Variants in SYNJ2BP observed in about 807,000 individuals in gnomAD.
SYNJ2BP encodes the protein synaptojanin 2 binding protein.
In SYNJ2BP, 10 loss-of-function variants were observed where a neutral mutation model predicts 16.9. The ratio of observed to expected loss-of-function variants is 0.59; its 90% CI spans 0.36 to 1.00. SYNJ2BP has a LOEUF of 1.00. Ranked by LOEUF, SYNJ2BP falls within the 50% of genes least tolerant of loss-of-function variation. The probability of loss-of-function intolerance (pLI) is 0.01; values close to 1 mark genes in which losing one functional copy is unlikely to be tolerated. For missense variants in SYNJ2BP, 162 were observed against 186.7 expected, an observed-to-expected ratio of 0.87 and a Z score of 0.77; for synonymous variants, 54 against 68.4, an observed-to-expected ratio of 0.79 and a Z score of 1.04.
chr14:70,414,138 C>G (rs1368300781), intron 1 of SYNJ2BP, among the ~76,000 whole-genome samples: 1 of 152,134 alleles, frequency 6.6e-6, no homozygotes, highest in East Asian at 1.9e-4. Flanking sequence ...AGAAGAGTAT[C>G]ACATACTAGG....
intron 1 of SYNJ2BP, among the ~76,000 whole-genome samples, chr14:70,388,932 T>C (rs1349453450): frequency 1.3e-5 from 2 of 151,778 alleles, no homozygotes; most frequent in African/African-American, 2.4e-5. Context: ...TTTTCTTTTT[T>C]TTTTTTTTTC....
In SYNJ2BP at chr14:70,372,782, A is replaced by C. The variant is rs1887543727; in HGVS notation, c.*209T>G. ...TATAACTCCTCATTTGTTCTAAGCC[A>C]AGTCTTTTCTTCAGTTTTCCTTCAA... On this transcript the variant is annotated 3_prime_UTR_variant, in exon 4 of 4. Coordinates refer to ENST00000256366, the MANE Select transcript of SYNJ2BP (RefSeq NM_018373.3). 1.5e-6 allele frequency: 1 copy of C among 670,784 alleles called. No homozygotes were observed. The highest frequency in any genetic ancestry group is 3.3e-5 in the Admixed American group (1 of 30,674). The allele number at this position is 670,784 out of a possible 1,614,324, so 41.6% of individuals were successfully genotyped here.
rs71448320 is a variant in SYNJ2BP at position 70,367,561 on chromosome 14, C to CAAAAAAAAAAAAAAAAAAA, written c.*5411_*5429dup. On this transcript the variant is annotated 3_prime_UTR_variant, in exon 4 of 4. Transcript: ENST00000256366. ...TAGGCGACAGAGCAAGACTCCGTCT[C>CAAAAAAAAAAAAAAAAAAA]AAAAAAAAAAAAAAAAAAAAAAAAA... 1 of 36,942 alleles carries CAAAAAAAAAAAAAAAAAAA rather than the reference C, an allele frequency of 2.7e-5. No homozygotes were observed. The highest frequency in any genetic ancestry group is 3.7e-4 in the Admixed American group (1 of 2,720). 2.3% of individuals were successfully genotyped at this position (36,942 alleles called of 1,614,324 possible).
chr14:70,398,105 G>A (rs949659467), intron 1 of SYNJ2BP, among the ~76,000 whole-genome samples: 5 of 133,910 alleles, frequency 3.7e-5, no homozygotes, highest in Non-Finnish European at 8.5e-5. Context: ...TCTCAGCAGA[G>A]AGGGTAGCTC....
intron 1 of SYNJ2BP, among the ~76,000 whole-genome samples, chr14:70,396,903 T>A (rs1409348213): frequency 6.6e-6 from 1 of 152,214 alleles, no homozygotes; most frequent in Non-Finnish European, 1.5e-5. Context: ...AGCAAATAAA[T>A]AATTGGCAAA....
chr14:70,416,659 C>T (rs1356802216), intron 1 of SYNJ2BP, among the ~76,000 whole-genome samples: 2 of 152,094 alleles, frequency 1.3e-5, no homozygotes, highest in South Asian at 4.1e-4. Context: ...CACAAAGAAC[C>T]CCTTCTTGAC....
chr14:70,404,474 A>G (rs1411359146), intron 1 of SYNJ2BP, among the ~76,000 whole-genome samples: 1 of 152,238 alleles, frequency 6.6e-6, no homozygotes, highest in African/African-American at 2.4e-5. Context: ...TAAGTAACAG[A>G]TAATTATAAA....
At chr14:70,415,714 G>C (rs746628571) in intron 1 of SYNJ2BP, among the ~76,000 whole-genome samples, 1 of 152,196 alleles carries the variant, frequency 6.6e-6, no homozygotes, top group Non-Finnish European at 1.5e-5. Context: ...GTAGTGGCAA[G>C]GGAAACAGGA....
Position 70,367,346 on chromosome 14 carries a change from G to A in SYNJ2BP, c.*5645C>T, listed in dbSNP as rs142056950. ...TGGGAGGCCGAGATGGGTGGATCAC[G>A]AGGTCAGGAATTCAAGACCAGCCTG... On this transcript the variant is annotated 3_prime_UTR_variant, in exon 4 of 4. Transcript: ENST00000256366. The A allele has an allele frequency of 0.018, 2,793 of 152,018 alleles. 26 individuals carry two copies. Among genetic ancestry groups the A allele is most frequent in the Non-Finnish European group, 0.027 (1,835 of 67,978 alleles). The allele number at this position is 152,018 out of a possible 1,614,324, so 9.4% of individuals were successfully genotyped here.
chr14:70,399,877 G>C (rs190371506), intron 1 of SYNJ2BP, among the ~76,000 whole-genome samples: 3 of 152,130 alleles, frequency 2.0e-5, no homozygotes, highest in Non-Finnish European at 4.4e-5. Context: ...CAGTAAAAGG[G>C]AGCCATCATC....
chr14:70,411,028 A>G (rs866624305), intron 1 of SYNJ2BP, among the ~76,000 whole-genome samples: 6 of 152,226 alleles, frequency 3.9e-5, no homozygotes, highest in Non-Finnish European at 5.9e-5. Context: ...AAAGAAAATA[A>G]GAAATAAAAT....
At chr14:70,400,922 T>A (rs116648811) in intron 1 of SYNJ2BP, among the ~76,000 whole-genome samples, 1 of 152,210 alleles carries the variant, frequency 6.6e-6, no homozygotes, top group Non-Finnish European at 1.5e-5. Context: ...AGCAGGCAAG[T>A]TGAAGAATTT....
Position 70,371,081 on chromosome 14 carries a change from C to G in SYNJ2BP, c.*1910G>C, listed in dbSNP as rs1887508647. 6.6e-6 allele frequency: 1 copy of G among 152,140 alleles called. No homozygotes were observed. The highest frequency in any genetic ancestry group is 2.4e-5 in the African/African-American group (1 of 41,438). The allele number at this position is 152,140 out of a possible 1,614,324, so 9.4% of individuals were successfully genotyped here. On this transcript the variant is annotated 3_prime_UTR_variant, in exon 4 of 4. Transcript: ENST00000256366. ...TGAAATACAGTTGATTGCCTGAGTC[C>G]TGATAATCTTGCTAACAAAATTATA... is the stretch of plus-strand genomic sequence containing the variant.
chr14:70,412,304 T>G (rs911914274), intron 1 of SYNJ2BP, among the ~76,000 whole-genome samples: 1 of 152,098 alleles, frequency 6.6e-6, no homozygotes, highest in Non-Finnish European at 1.5e-5. Flanking sequence ...GTATATGGTA[T>G]AGCAGAATTA....
At chr14:70,413,074 G>A (rs146534678) in intron 1 of SYNJ2BP, among the ~76,000 whole-genome samples, 5 of 152,206 alleles carry the variant, frequency 3.3e-5, no homozygotes, top group South Asian at 2.1e-4. Flanking sequence ...GAAGACATTT[G>A]AGATTGTAGC....
chr14:70,403,079 C>A (rs1302855899), intron 1 of SYNJ2BP, among the ~76,000 whole-genome samples: 1 of 152,130 alleles, frequency 6.6e-6, no homozygotes, highest in African/African-American at 2.4e-5. Flanking sequence ...AGTTCTATGC[C>A]TCTAGGGGTA....
In SYNJ2BP at chr14:70,369,557, G is replaced by T. The variant is rs1008877233; in HGVS notation, c.*3434C>A. On this transcript the variant is annotated 3_prime_UTR_variant, in exon 4 of 4. Transcript: ENST00000256366. ...TTACCACCTACATAATCCTAGTCAA[G>T]TAATTTTTTCTCTCATTTTTAGTCT... 2.2e-4 allele frequency: 34 copies of T among 152,158 alleles called. No individual in the cohort carries two copies. Among genetic ancestry groups the T allele is most frequent in the African/African-American group, 7.7e-4 (32 of 41,438 alleles). 9.4% of individuals were successfully genotyped at this position (152,158 alleles called of 1,614,324 possible). A position where few individuals can be genotyped will look rare whatever the true frequency, so the allele number is the denominator to read the frequency against.
chr14:70,376,711 A>G (rs1887638487), intron 2 of SYNJ2BP, among the ~76,000 whole-genome samples: 2 of 152,238 alleles, frequency 1.3e-5, no homozygotes, highest in Admixed American at 1.3e-4. Context: ...GTTTCCACAG[A>G]TAAAGAAACT....
chr14:70,405,133 A>C (rs1888320006), intron 1 of SYNJ2BP, among the ~76,000 whole-genome samples: 1 of 152,108 alleles, frequency 6.6e-6, no homozygotes, highest in African/African-American at 2.4e-5. Flanking sequence ...TCAGTCAATC[A>C]ATCAATCAAA....
Sources: allele counts gnomAD v4.1 joint callset (sites outside exome capture counted in the v4.1 genomes callset), GRCh38; gene constraint gnomAD v4.1.1; transcripts MANE v1.5; gene names NCBI Gene and HGNC (gene_info 2026-07-23, HGNC 2026-07-21).